The following NKAIN4 variants were observed in gnomAD, a reference collection of about 807,000 sequenced individuals.
The protein encoded by NKAIN4 is sodium/potassium-transporting ATPase subunit beta-1-interacting protein 4.
A neutral mutation model predicts 28.8 loss-of-function variants in NKAIN4; 28 were observed. The ratio of observed to expected loss-of-function variants is 0.97; its 90% CI spans 0.72 to 1.33. NKAIN4 has a LOEUF of 1.33. Ranked by LOEUF, NKAIN4 falls within the 40% of genes most tolerant of loss-of-function variation. The probability of loss-of-function intolerance (pLI) is 0.00; values close to 1 mark genes in which losing one functional copy is unlikely to be tolerated. For synonymous variants in NKAIN4, 122 were observed against 115.6 expected (o/e 1.06, Z -0.36); for missense variants, 289 against 277.2 (o/e 1.04, Z -0.30).
In NKAIN4 at chr20:63,246,652, G is replaced by A. The variant is rs79732218; in HGVS notation, c.471+926C>T. ...CCTGGTGTGTTGCGTCGACACCACC[G>A]TGCGCACCAGGAAAAGCCAGGGAGC... On this transcript the variant is annotated intron_variant, in intron 4 of 6. Coordinates refer to ENST00000370316, the MANE Select transcript of NKAIN4 (RefSeq NM_152864.4). 9.5e-4 allele frequency: 934 copies of A among 985,358 alleles called. 6 individuals are homozygous for A. The East Asian group carries it at 0.027, about 28-fold the overall frequency. 61.0% of individuals were successfully genotyped at this position (985,358 alleles called of 1,614,324 possible).
At chr20:63,244,514 C>T (rs1601278284) in intron 4 of NKAIN4, 1 of 473,756 alleles carries the variant, frequency 2.1e-6, no homozygotes, top group Non-Finnish European at 4.4e-6. Flanking sequence ...AGGGGTTCCT[C>T]CTCCTCTGTG....
In NKAIN4 at chr20:63,247,724, C is replaced by A; in HGVS notation, c.325G>T (p.Glu109Ter). 6.6e-7 allele frequency: 1 copy of A among 1,504,252 alleles called. No individual in the cohort carries two copies. 93.2% of individuals were successfully genotyped at this position (1,504,252 alleles called of 1,614,324 possible). Reference sequence around the variant, plus strand: ...TCATGCAGACAGCCTGGCCAGCGCTCACGCCACCAGGAGCGATGCCGGGAG... The same window carrying A: ...TCATGCAGACAGCCTGGCCAGCGCTAACGCCACCAGGAGCGATGCCGGGAG... Reference protein sequence around the residue: ...SLSRHRSWWRERWPGCLHEEV... With the variant: ...SLSRHRSWWR The change falls in exon 4 of 7, where the codon GAG (glutamate) becomes TAG (stop). Residue 109 changes from glutamate (E) to a stop codon, truncating the protein, a stop_gained. Coordinates refer to ENST00000370316, the MANE Select transcript of NKAIN4 (RefSeq NM_152864.4). LOFTEE classifies it high-confidence loss of function.
intron 2 of NKAIN4, chr20:63,249,223 A>C: frequency 2.8e-6 from 1 of 362,810 alleles, no homozygotes; most frequent in Non-Finnish European, 5.3e-6. Context: ...CTGACATTAC[A>C]CGTGGACAGC....
intron 5 of NKAIN4, 49 bp from the exon 6 acceptor site, chr20:63,242,672 G>C: frequency 6.8e-7 from 1 of 1,461,714 alleles, no homozygotes; most frequent in Non-Finnish European, 9.6e-7. Context: ...CAATGGAAAA[G>C]ATGTCAGAGT....
chr20:63,244,471 T>C (rs2066820141), intron 4 of NKAIN4: 2 of 479,212 alleles, frequency 4.2e-6, no homozygotes, highest in African/African-American at 2.0e-5. Context: ...GCCTCTTGCC[T>C]TTGGCCCCAG....
chr20:63,246,793 C>T (rs1226756031), intron 4 of NKAIN4: 10 of 985,374 alleles, frequency 1.0e-5, no homozygotes, highest in Non-Finnish European at 1.2e-5. Context: ...CACACACCCG[C>T]CTCAGCTTTT....
At position 63,248,999 on chromosome 20, in the gene NKAIN4, C is replaced by T. The variant is rs1453594620; in HGVS notation, c.193-104G>A. The T allele has an allele frequency of 1.8e-5, 14 of 773,460 alleles. No homozygotes were observed. In the East Asian group the frequency reaches 2.9e-4, roughly 16 times the overall value. The allele number at this position is 773,460 out of a possible 1,614,324, so 47.9% of individuals were successfully genotyped here. ...GGGTCCCATGATCGCATAGGAGGGG[C>T]GGCCTCTGCTCCTGAGTCTGGCGGC... is the stretch of plus-strand genomic sequence containing the variant. On this transcript the variant is annotated intron_variant, in intron 2 of 6. Transcript: ENST00000370316.
In NKAIN4 at chr20:63,244,062, C is replaced by T; in HGVS notation, c.494G>A (p.Cys165Tyr). 6.2e-7 allele frequency: 1 copy of T among 1,613,882 alleles called. No individual in the cohort carries two copies. ...CTCCGTAAACACGCTGACCACCTGG[C>T]AGCCACAGACAAAGCCCAGAAGCTG... The part of the protein sequence containing the change: ...LIALLGFVCG[C>Y]QVVSVFTEEE... Residue 165 changes from cysteine (C) to tyrosine (Y), a missense_variant, in exon 5 of 7, where the codon TGC (cysteine) becomes TAC (tyrosine). Transcript: ENST00000370316.
intron 2 of NKAIN4, 63 bp from the exon 3 acceptor site, chr20:63,248,958 C>T: frequency 8.7e-7 from 1 of 1,150,312 alleles, no homozygotes; most frequent in Admixed American, 1.7e-5. Flanking sequence ...TGCTTGCATC[C>T]AGCCCCCGGG....
intron 5 of NKAIN4, among the ~76,000 whole-genome samples, chr20:63,243,480 CCTT>C (rs1398050048): frequency 6.6e-6 from 1 of 152,080 alleles, no homozygotes; most frequent in Non-Finnish European, 1.5e-5. Context: ...CCGGCTCTAT[CCTT>C]CTCCACAGGG....
chr20:63,244,450 C>A (rs747931117), intron 4 of NKAIN4: 1 of 486,436 alleles, frequency 2.1e-6, no homozygotes, highest in South Asian at 1.5e-5. Flanking sequence ...CCCAGCCCTG[C>A]GTCCCCTCGG....
chr20:63,254,147 C>A, intron 1 of NKAIN4: 3 of 435,732 alleles, frequency 6.9e-6, no homozygotes, highest in South Asian at 6.3e-5. Context: ...CACCTGTCCC[C>A]GCCGCTCCGG....
Position 63,248,805 on chromosome 20 carries a change from C to G in NKAIN4, c.273+10G>C, listed in dbSNP as rs2066905292. ...GAAGGACCTCGCGCTGCCTCCCAGTCTGCACTCACCTTTAAGAGGCCACCG... is the reference window on the plus strand; with the variant it reads ...GAAGGACCTCGCGCTGCCTCCCAGTGTGCACTCACCTTTAAGAGGCCACCG... On this transcript the variant is annotated intron_variant, in intron 3 of 6. Coordinates refer to ENST00000370316, the MANE Select transcript of NKAIN4 (RefSeq NM_152864.4). 5 of 1,599,554 alleles carry G rather than the reference C, an allele frequency of 3.1e-6. No homozygotes were observed. Among genetic ancestry groups the G allele is most frequent in the Non-Finnish European group, 4.3e-6 (5 of 1,168,272 alleles).
chr20:63,254,354 G>A (rs990230885), intron 1 of NKAIN4, 43 bp downstream of exon 1: 51 of 1,402,750 alleles, frequency 3.6e-5, no homozygotes, highest in Non-Finnish European at 4.7e-5. Context: ...CGTGGGTCGG[G>A]CACCGGGGGC....
In NKAIN4 at chr20:63,250,697, G is replaced by A. The variant is rs78371785; in HGVS notation, c.55-625C>T. On this transcript the variant is annotated intron_variant, in intron 1 of 6. Coordinates refer to ENST00000370316, the MANE Select transcript of NKAIN4 (RefSeq NM_152864.4). ...CAGGGCCGAGAGAGAACCAATGAGG[G>A]GGGGAGGGAAAGGTGCCTGAGGAAT... Among the ~76,000 whole-genome samples the A allele has an allele frequency of 6.8e-4, 104 of 152,242 alleles. 2 individuals carry two copies. The South Asian group carries it at 7.3e-3, about 11-fold the overall frequency.
Position 63,252,472 on chromosome 20 carries a change from A to T in NKAIN4, c.54+1925T>A, listed in dbSNP as rs200942075. ...AATTCTCACACTTGTCAAAAAAAAAAAGGGGCTATCCAACAACCCCGCCCT... is the reference window on the plus strand; with the variant it reads ...AATTCTCACACTTGTCAAAAAAAAATAGGGGCTATCCAACAACCCCGCCCT... On this transcript the variant is annotated intron_variant, in intron 1 of 6. Coordinates refer to ENST00000370316, the MANE Select transcript of NKAIN4 (RefSeq NM_152864.4). The surrounding 1 kb of genome is among the most constrained non-coding windows in gnomAD (Gnocchi z 4.6). Among the ~76,000 whole-genome samples, 2 of 150,366 alleles carry T rather than the reference A, an allele frequency of 1.3e-5. No homozygotes were observed. The highest frequency in any genetic ancestry group is 4.9e-5 in the African/African-American group (2 of 41,212).
At position 63,242,845 on chromosome 20, in the gene NKAIN4, G is replaced by A. The variant is rs113223646; in HGVS notation, c.533-222C>T. ...GCGGGGACGGCATCGGGGGACAGTGGGGGTGGGACAGCCCGGATCTTCAGC... is the reference window on the plus strand; with the variant it reads ...GCGGGGACGGCATCGGGGGACAGTGAGGGTGGGACAGCCCGGATCTTCAGC... On this transcript the variant is annotated intron_variant, in intron 5 of 6. Coordinates refer to ENST00000370316, the MANE Select transcript of NKAIN4 (RefSeq NM_152864.4). Among the ~76,000 whole-genome samples, 1,187 of 150,696 alleles carry A rather than the reference G, an allele frequency of 7.9e-3. 8 individuals carry two copies. The highest frequency in any genetic ancestry group is 9.9e-3 in the Non-Finnish European group (666 of 67,498).
Position 63,241,346 on chromosome 20 carries a change from G to C in NKAIN4, c.*151C>G. 1 of 697,998 alleles carries C rather than the reference G, an allele frequency of 1.4e-6. No individual in the cohort carries two copies. Among genetic ancestry groups the C allele is most frequent in the Non-Finnish European group, 2.5e-6 (1 of 395,360 alleles). The allele number at this position is 697,998 out of a possible 1,614,324, so 43.2% of individuals were successfully genotyped here. A position where few individuals can be genotyped will look rare whatever the true frequency, so the allele number is the denominator to read the frequency against. On this transcript the variant is annotated 3_prime_UTR_variant, in exon 7 of 7. Coordinates refer to ENST00000370316, the MANE Select transcript of NKAIN4 (RefSeq NM_152864.4). ...TGGCACTGCCCTGCCGCCCTGGCTGGTGTCCAGTACTTAGAACCCAGGGCA... is the reference window on the plus strand; with the variant it reads ...TGGCACTGCCCTGCCGCCCTGGCTGCTGTCCAGTACTTAGAACCCAGGGCA...
chr20:63,253,185 C>A, intron 1 of NKAIN4: 1 of 984,934 alleles, frequency 1.0e-6, no homozygotes. Context: ...CACCAGTCTC[C>A]TAAGGGACTC....
Sources: allele counts gnomAD v4.1 joint callset (sites outside exome capture counted in the v4.1 genomes callset), GRCh38; gene constraint gnomAD v4.1.1; non-coding constraint Gnocchi (gnomAD v3.1); transcripts MANE v1.5; gene names NCBI Gene and HGNC (gene_info 2026-07-23, HGNC 2026-07-21).